The following EYA4 variants were observed in gnomAD, a reference collection of about 807,000 sequenced individuals.
The protein encoded by EYA4 is protein phosphatase EYA4.
Under a neutral mutation model 87.9 loss-of-function variants are expected in EYA4, and 31 were observed. That is an observed-to-expected ratio of 0.35 (90% CI 0.27 to 0.48). The LOEUF is 0.48. EYA4 is among the 20% of genes least tolerant of loss of function. The probability of loss-of-function intolerance (pLI) is 0.99; values close to 1 mark genes in which losing one functional copy is unlikely to be tolerated. For missense variants in EYA4, 678 were observed against 761.4 expected, an observed-to-expected ratio of 0.89 and a Z score of 1.29; for synonymous variants, 263 against 270.6, an observed-to-expected ratio of 0.97 and a Z score of 0.28.
intron 6 of EYA4, among the ~76,000 whole-genome samples, chr6:133,460,267 G>T (rs28360637): frequency 0.14 from 20,982 of 151,998 alleles, 2,231 homozygotes; most frequent in East Asian, 0.3. Flanking sequence ...CTGTGTGCTC[G>T]CTCAGTGTGG....
intron 13 of EYA4, among the ~76,000 whole-genome samples, chr6:133,494,030 C>A (rs1236044719): frequency 6.6e-6 from 1 of 152,136 alleles, no homozygotes; most frequent in Non-Finnish European, 1.5e-5. Context: ...TCCTCAAAAA[C>A]CAAAAATAGA....
At chr6:133,394,401 G>A (rs1345451784) in intron 3 of EYA4, among the ~76,000 whole-genome samples, 1 of 145,366 alleles carries the variant, frequency 6.9e-6, no homozygotes, top group Non-Finnish European at 1.5e-5. Context: ...GGTAGTAAGA[G>A]CCAAATAATA....
chr6:133,525,024 G>A (rs551689948), intron 18 of EYA4, 130 bp from the exon 19 acceptor site: 2 of 1,613,446 alleles, frequency 1.2e-6, no homozygotes, highest in Admixed American at 1.7e-5. Flanking sequence ...GGCAAGGAAA[G>A]CTGTTTTGAG....
chr6:133,297,031 TTGCATTAATTCTTTCTGGTGAATTCA>T (rs1778997354), intron 2 of EYA4, among the ~76,000 whole-genome samples: 1 of 152,258 alleles, frequency 6.6e-6, no homozygotes, highest in Non-Finnish European at 1.5e-5. Flanking sequence ...GCACTAATTC[TTGCATTAATTCTTTCTGGTGAATTCA>T]TGCATTAATT....
intron 18 of EYA4, chr6:133,524,933 A>G: frequency 1.7e-6 from 2 of 1,150,156 alleles, no homozygotes; most frequent in Non-Finnish European, 2.6e-6. Context: ...GTGATGTTCA[A>G]GAGGCATTAA....
At chr6:133,394,667 C>A (rs763082407) in intron 3 of EYA4, among the ~76,000 whole-genome samples, 1 of 151,982 alleles carries the variant, frequency 6.6e-6, no homozygotes, top group Non-Finnish European at 1.5e-5. Context: ...GTTTTAAATT[C>A]TAAGTGAAGG....
In EYA4 at chr6:133,448,237, T is replaced by C; in HGVS notation, c.277+58T>C. On this transcript the variant is annotated intron_variant, in intron 5 of 19. Coordinates refer to ENST00000355286, the MANE Select transcript of EYA4 (RefSeq NM_004100.5). ...GGGTGTGTGGATTTGCCCCTCTGGA[T>C]TGCTGTCTGTTGCTATGTCTATGTT... 4 of 1,189,700 alleles carry C rather than the reference T, an allele frequency of 3.4e-6. No individual in the cohort carries two copies. In the South Asian group the frequency reaches 3.6e-5, roughly 11 times the overall value. 73.7% of individuals were successfully genotyped at this position (1,189,700 alleles called of 1,614,324 possible).
intron 2 of EYA4, among the ~76,000 whole-genome samples, chr6:133,349,112 C>T (rs1314100456): frequency 6.6e-6 from 1 of 152,206 alleles, no homozygotes; most frequent in African/African-American, 2.4e-5. Context: ...TTACTTTCCT[C>T]TATGTCTAAA....
At chr6:133,339,822 G>A (rs1782649821) in intron 2 of EYA4, among the ~76,000 whole-genome samples, 1 of 152,190 alleles carries the variant, frequency 6.6e-6, no homozygotes, top group African/African-American at 2.4e-5. Flanking sequence ...TTTATAGGTA[G>A]CCAAAGTGGA....
At chr6:133,242,020 C>G (rs887739819) in intron 1 of EYA4, among the ~76,000 whole-genome samples, 3 of 152,218 alleles carry the variant, frequency 2.0e-5, no homozygotes, top group Non-Finnish European at 4.4e-5. Flanking sequence ...GGGTCCCTTC[C>G]GAGCCTGCCT....
At chr6:133,332,711 A>ATTTTTTTTTTTTTTTTTTTTTTTTT (rs71003634) in intron 2 of EYA4, among the ~76,000 whole-genome samples, 1 of 124,892 alleles carries the variant, frequency 8.0e-6, no homozygotes. Flanking sequence ...GCCCAGCTAA[A>ATTTTTTTTTTTTTTTTTTTTTTTTT]TTTTTTTTTT....
chr6:133,250,493 T>C (rs549946465), intron 1 of EYA4, among the ~76,000 whole-genome samples: 2 of 151,844 alleles, frequency 1.3e-5, no homozygotes, highest in Non-Finnish European at 2.9e-5. Context: ...AATACAAAAA[T>C]TAGCTGGGCG....
chr6:133,296,312 T>A (rs1403273707), intron 2 of EYA4, among the ~76,000 whole-genome samples: 1 of 152,196 alleles, frequency 6.6e-6, no homozygotes, highest in Non-Finnish European at 1.5e-5. Context: ...CGTTGGCTTT[T>A]ACTCTGAGGG....
At chr6:133,262,345 A>G (rs1157037110) in intron 1 of EYA4, among the ~76,000 whole-genome samples, 1 of 152,252 alleles carries the variant, frequency 6.6e-6, no homozygotes, top group Non-Finnish European at 1.5e-5. Context: ...TACAGTGTGT[A>G]CAAAATGCTC....
chr6:133,339,124 T>C (rs764519824), intron 2 of EYA4, among the ~76,000 whole-genome samples: 3 of 152,196 alleles, frequency 2.0e-5, no homozygotes, highest in Non-Finnish European at 2.9e-5. Context: ...TAAGTTATTA[T>C]TGATGAAATC....
intron 2 of EYA4, among the ~76,000 whole-genome samples, chr6:133,318,418 G>C (rs918166923): frequency 6.6e-6 from 1 of 152,170 alleles, no homozygotes; most frequent in Non-Finnish European, 1.5e-5. Flanking sequence ...ATTTGCCGGT[G>C]GAGGTAAACA....
intron 2 of EYA4, among the ~76,000 whole-genome samples, chr6:133,295,719 A>T (rs1487869551): frequency 6.6e-6 from 1 of 152,164 alleles, no homozygotes; most frequent in Non-Finnish European, 1.5e-5. Context: ...CAAACATGAG[A>T]TCCAAATCCA....
chr6:133,407,300 A>G (rs1477110137), intron 3 of EYA4, among the ~76,000 whole-genome samples: 3 of 114,066 alleles, frequency 2.6e-5, no homozygotes, highest in South Asian at 2.7e-4. Flanking sequence ...AAAGAGATTT[A>G]TTTAGATTAT....
chr6:133,457,976 G>C (rs904244655), intron 6 of EYA4, among the ~76,000 whole-genome samples: 1 of 152,104 alleles, frequency 6.6e-6, no homozygotes, highest in Non-Finnish European at 1.5e-5. Context: ...GTTAAAAGTG[G>C]TTAAGGCCAT....
Sources: gnomAD v4.1 joint callset for allele counts (sites outside exome capture counted in the v4.1 genomes callset) on GRCh38, gnomAD v4.1.1 for gene constraint, MANE v1.5 for transcripts, NCBI Gene and HGNC (gene_info 2026-07-23, HGNC 2026-07-21) for gene names.